The following ADAMTSL1 variants were observed in gnomAD, a reference collection of about 807,000 sequenced individuals.
ADAMTSL1 encodes ADAMTS-like protein 1.
A neutral mutation model predicts 201.8 loss-of-function variants in ADAMTSL1; 126 were observed. That is an observed-to-expected ratio of 0.62 (90% CI 0.54 to 0.72). The LOEUF (loss-of-function observed/expected upper bound fraction) is 0.72. Among genes scored for constraint, ADAMTSL1 ranks in the 30% least tolerant of loss-of-function variants. ADAMTSL1 has a pLI of 0.00. For missense variants in ADAMTSL1, 2,679 were observed against 2,277.8 expected, an observed-to-expected ratio of 1.18 and a Z score of -3.59; for synonymous variants, 1,121 against 903.4, an observed-to-expected ratio of 1.24 and a Z score of -4.32.
chr9:18,535,828 T>A (rs1435734280), intron 3 of ADAMTSL1, among the ~76,000 whole-genome samples: 2 of 152,118 alleles, frequency 1.3e-5, no homozygotes, highest in African/African-American at 4.8e-5. Flanking sequence ...GAACTTACTA[T>A]CATGAGAATA....
chr9:18,879,589 G>T (rs1411359862), intron 23 of ADAMTSL1, among the ~76,000 whole-genome samples: 1 of 152,164 alleles, frequency 6.6e-6, no homozygotes, highest in Non-Finnish European at 1.5e-5. Context: ...TCCACTAAGT[G>T]TGCAACACCA....
At chr9:18,314,783 T>C (rs1331222034) in intron 2 of ADAMTSL1, among the ~76,000 whole-genome samples, 3 of 39,958 alleles carry the variant, frequency 7.5e-5, no homozygotes, top group South Asian at 1.0e-3. Flanking sequence ...GGCAGCGTGC[T>C]TTTTTTTTTT....
At chr9:18,441,404 GT>G (rs1164538750) in intron 2 of ADAMTSL1, among the ~76,000 whole-genome samples, 2 of 152,158 alleles carry the variant, frequency 1.3e-5, no homozygotes, top group Non-Finnish European at 2.9e-5. Context: ...CTACTGAGAG[GT>G]TTGTGTGGGC....
chr9:18,536,296 C>A (rs1231027336), intron 3 of ADAMTSL1, among the ~76,000 whole-genome samples: 1 of 152,116 alleles, frequency 6.6e-6, no homozygotes, highest in Non-Finnish European at 1.5e-5. Flanking sequence ...AATCCCTGGA[C>A]AGCTTCCTTG....
chr9:18,604,272 G>T (rs1023515997), intron 4 of ADAMTSL1, among the ~76,000 whole-genome samples: 2 of 152,184 alleles, frequency 1.3e-5, no homozygotes, highest in African/African-American at 2.4e-5. Flanking sequence ...ACATAGGGTA[G>T]GGCTTAACAA....
intron 1 of ADAMTSL1, among the ~76,000 whole-genome samples, chr9:18,122,669 A>T (rs1263394640): frequency 2.6e-5 from 4 of 152,224 alleles, no homozygotes; most frequent in Non-Finnish European, 5.9e-5. Flanking sequence ...GAATATATTC[A>T]TAGAGATTAG....
intron 1 of ADAMTSL1, 48 bp from the exon 2 acceptor site, chr9:18,504,781 A>G (rs762045337): frequency 6.2e-7 from 1 of 1,614,002 alleles, no homozygotes; most frequent in South Asian, 1.1e-5. Flanking sequence ...CACATGTTTC[A>G]GGGTTCCATG....
chr9:18,902,117 A>C lies in ADAMTSL1; in HGVS notation c.4852-3665A>C, dbSNP rs78858002. Among the ~76,000 whole-genome samples, 395 of 152,362 alleles carry C rather than the reference A, an allele frequency of 2.6e-3. 2 individuals are homozygous for C. Among genetic ancestry groups the C allele is most frequent in the African/African-American group, 9.0e-3 (374 of 41,594 alleles). Reference sequence around the variant, plus strand: ...AACATCAGAGCCCCAAAGTATATGAATCAAACATTGACAGAATTGATGGGA... The same window carrying C: ...AACATCAGAGCCCCAAAGTATATGACTCAAACATTGACAGAATTGATGGGA... On this transcript the variant is annotated intron_variant, in intron 26 of 28. Transcript: ENST00000380548.
chr9:17,990,370 A>G (rs1352556295), intron 1 of ADAMTSL1, among the ~76,000 whole-genome samples: 2 of 151,924 alleles, frequency 1.3e-5, no homozygotes, highest in African/African-American at 4.8e-5. Flanking sequence ...AATCATTGAG[A>G]TGTTTGGACT....
At chr9:17,915,569 A>G (rs1265531884) in intron 1 of ADAMTSL1, among the ~76,000 whole-genome samples, 1 of 152,216 alleles carries the variant, frequency 6.6e-6, no homozygotes, top group Non-Finnish European at 1.5e-5. Flanking sequence ...AATTTGTGTT[A>G]GGTAAATACC....
chr9:18,504,744 C>A (rs966801244), intron 1 of ADAMTSL1, 85 bp from the exon 2 acceptor site: 5 of 1,580,804 alleles, frequency 3.2e-6, no homozygotes, highest in South Asian at 2.2e-5. Flanking sequence ...CATGTACACA[C>A]ACGTACAGGC....
chr9:18,383,333 G>A (rs536714082), intron 2 of ADAMTSL1, among the ~76,000 whole-genome samples: 17 of 152,138 alleles, frequency 1.1e-4, no homozygotes, highest in Non-Finnish European at 2.1e-4. Flanking sequence ...CTGTCACCCC[G>A]GGTTAAAGAC....
rs151307333 is a variant in ADAMTSL1 at position 18,695,428 on chromosome 9, C to A, written c.1574+10628C>A. Among the ~76,000 whole-genome samples the A allele has an allele frequency of 1.1e-4, 16 of 152,326 alleles. No individual in the cohort carries two copies. The East Asian group carries it at 3.1e-3, about 29-fold the overall frequency. ...TGCAAATTTTCTAAACTTTTATTAT[C>A]TGCTTCCCTTTTAAATATAAGTTCC... On this transcript the variant is annotated intron_variant, in intron 13 of 28. Transcript: ENST00000380548.
chr9:18,578,722 A>G (rs1466946419), intron 4 of ADAMTSL1, among the ~76,000 whole-genome samples: 1 of 152,080 alleles, frequency 6.6e-6, no homozygotes, highest in African/African-American at 2.4e-5. Flanking sequence ...AGCATGATTT[A>G]TAGTCATTTG....
chr9:18,323,920 A>G (rs938384152), intron 2 of ADAMTSL1, among the ~76,000 whole-genome samples: 3 of 152,194 alleles, frequency 2.0e-5, no homozygotes, highest in African/African-American at 4.8e-5. Context: ...TGACTTATAG[A>G]TTCAGTGCAA....
intron 13 of ADAMTSL1, among the ~76,000 whole-genome samples, chr9:18,691,296 A>G (rs1028800470): frequency 6.6e-6 from 1 of 152,242 alleles, no homozygotes; most frequent in Non-Finnish European, 1.5e-5. Flanking sequence ...GTGATAAAAG[A>G]ATACAATGTA....
chr9:18,610,249 T>A (rs1240452816), intron 4 of ADAMTSL1, among the ~76,000 whole-genome samples: 1 of 152,218 alleles, frequency 6.6e-6, no homozygotes, highest in Non-Finnish European at 1.5e-5. Flanking sequence ...AAAATTATAT[T>A]TTCTTAGCAG....
At chr9:18,617,704 C>G (rs1414221810) in intron 4 of ADAMTSL1, among the ~76,000 whole-genome samples, 1 of 152,080 alleles carries the variant, frequency 6.6e-6, no homozygotes, top group Non-Finnish European at 1.5e-5. Flanking sequence ...AAATTGATAA[C>G]CCACTAGTGG....
chr9:18,092,318 G>A (rs962705415), intron 1 of ADAMTSL1, among the ~76,000 whole-genome samples: 1 of 152,126 alleles, frequency 6.6e-6, no homozygotes, highest in Non-Finnish European at 1.5e-5. Flanking sequence ...CTCTGGGAAG[G>A]CGAGGAAGGC....
Sources: allele counts gnomAD v4.1 joint callset (sites outside exome capture counted in the v4.1 genomes callset), GRCh38; gene constraint gnomAD v4.1.1; transcripts MANE v1.5; gene names NCBI Gene and HGNC (gene_info 2026-07-23, HGNC 2026-07-21).